The following ZNF521 variants were observed in gnomAD, a reference collection of about 807,000 sequenced individuals.
ZNF521 encodes the protein LYST-interacting protein 3.
In ZNF521, 14 loss-of-function variants were observed where a neutral mutation model predicts 105.5. That is an observed-to-expected ratio of 0.13 (90% CI 0.09 to 0.21). The LOEUF (loss-of-function observed/expected upper bound fraction) is 0.21. Ranked by LOEUF, ZNF521 falls within the 10% of genes least tolerant of loss-of-function variation. ZNF521 has a pLI of 1.00. For synonymous variants in ZNF521, 635 were observed against 606.0 expected, an observed-to-expected ratio of 1.05 and a Z score of -0.70; for missense variants, 1,233 against 1,629.7, an observed-to-expected ratio of 0.76 and a Z score of 4.19.
intron 3 of ZNF521, among the ~76,000 whole-genome samples, chr18:25,312,511 T>C (rs12455054): frequency 0.23 from 14,580 of 62,256 alleles, 1,797 homozygotes; most frequent in Admixed American, 0.27. Context: ...ACTCAGCCTA[T>C]GGTTCAGAAG....
At chr18:25,177,021 T>C (rs1319782925) in intron 5 of ZNF521, among the ~76,000 whole-genome samples, 1 of 152,234 alleles carries the variant, frequency 6.6e-6, no homozygotes, top group Non-Finnish European at 1.5e-5. Flanking sequence ...GACCTCACTA[T>C]GTAAAATTTT....
intron 5 of ZNF521, among the ~76,000 whole-genome samples, chr18:25,102,265 A>T (rs1311240638): frequency 6.6e-6 from 1 of 152,156 alleles, no homozygotes; most frequent in African/African-American, 2.4e-5. Context: ...TTAAAAGATA[A>T]TTTTTTAAAT....
chr18:25,128,921 G>A (rs1460540796), intron 5 of ZNF521, among the ~76,000 whole-genome samples: 2 of 151,868 alleles, frequency 1.3e-5, no homozygotes, highest in Admixed American at 6.6e-5. Flanking sequence ...CTAAATTCCA[G>A]CATGTTATTT....
At chr18:25,170,176 G>A (rs372953246) in intron 5 of ZNF521, among the ~76,000 whole-genome samples, 3 of 151,364 alleles carry the variant, frequency 2.0e-5, no homozygotes, top group African/African-American at 7.3e-5. Flanking sequence ...CACCAAAGGC[G>A]GCGTTCAATG....
At chr18:25,204,104 A>T (rs2036038491) in intron 4 of ZNF521, among the ~76,000 whole-genome samples, 1 of 152,196 alleles carries the variant, frequency 6.6e-6, no homozygotes, top group African/African-American at 2.4e-5. Context: ...CAAGAAGTGG[A>T]GCAGGTGGTA....
intron 7 of ZNF521, among the ~76,000 whole-genome samples, chr18:25,072,636 T>C (rs563817598): frequency 1.3e-5 from 2 of 152,236 alleles, no homozygotes; most frequent in African/African-American, 4.8e-5. Context: ...AACAATGAAT[T>C]GAGCTGTCTG....
At chr18:25,297,030 G>C (rs1353770494) in intron 3 of ZNF521, among the ~76,000 whole-genome samples, 1 of 151,648 alleles carries the variant, frequency 6.6e-6, no homozygotes, top group East Asian at 1.9e-4. Flanking sequence ...AAATTGTAAA[G>C]CCTTGTAAGT....
chr18:25,207,829 A>G (rs1249860122), intron 4 of ZNF521, among the ~76,000 whole-genome samples: 1 of 152,234 alleles, frequency 6.6e-6, no homozygotes, highest in East Asian at 1.9e-4. Context: ...AAAGTTCTGC[A>G]TAATCATTAC....
At chr18:25,186,639 C>T (rs904921963) in intron 5 of ZNF521, among the ~76,000 whole-genome samples, 3 of 152,016 alleles carry the variant, frequency 2.0e-5, no homozygotes, top group Non-Finnish European at 4.4e-5. Flanking sequence ...CAAATTTATC[C>T]CTTTAAATAA....
chr18:25,078,609 T>TA (rs1285044434), intron 7 of ZNF521, among the ~76,000 whole-genome samples: 1 of 152,202 alleles, frequency 6.6e-6, no homozygotes, highest in Non-Finnish European at 1.5e-5. Flanking sequence ...GTCTAAGGCA[T>TA]AAAAAGGCCA....
chr18:25,286,636 A>G (rs909341424), intron 3 of ZNF521, among the ~76,000 whole-genome samples: 1 of 152,264 alleles, frequency 6.6e-6, no homozygotes, highest in Non-Finnish European at 1.5e-5. Context: ...TATCTCTCAG[A>G]TATTAAAAAT....
chr18:25,183,900 A>G (rs1416198996), intron 5 of ZNF521, among the ~76,000 whole-genome samples: 1 of 152,210 alleles, frequency 6.6e-6, no homozygotes, highest in Non-Finnish European at 1.5e-5. Flanking sequence ...CAAGGGAAAA[A>G]AAGAGCTTCA....
At chr18:25,334,315 G>A (rs574403121) in intron 2 of ZNF521, among the ~76,000 whole-genome samples, 10 of 133,898 alleles carry the variant, frequency 7.5e-5, no homozygotes, top group African/African-American at 1.9e-4. Flanking sequence ...GAGATCTGGT[G>A]GCCAGTGGAT....
At chr18:25,334,603 T>C (rs1202820124) in intron 2 of ZNF521, among the ~76,000 whole-genome samples, 2 of 152,198 alleles carry the variant, frequency 1.3e-5, no homozygotes, top group African/African-American at 4.8e-5. Flanking sequence ...AACTCAACTC[T>C]CCTCCAGCTC....
At chr18:25,083,754 T>TATATTTTG (rs1555632305) in intron 7 of ZNF521, among the ~76,000 whole-genome samples, 1 of 148,298 alleles carries the variant, frequency 6.7e-6, no homozygotes, top group Non-Finnish European at 1.5e-5. Context: ...CATATATATA[T>TATATTTTG]TTTGTTTGTT....
At chr18:25,197,563 G>C (rs2035923703) in intron 4 of ZNF521, among the ~76,000 whole-genome samples, 1 of 151,742 alleles carries the variant, frequency 6.6e-6, no homozygotes, top group African/African-American at 2.4e-5. Flanking sequence ...TAAGTAAAGG[G>C]ATTATAACCT....
At chr18:25,236,220 T>C (rs1377789821) in intron 3 of ZNF521, among the ~76,000 whole-genome samples, 1 of 152,168 alleles carries the variant, frequency 6.6e-6, no homozygotes, top group Non-Finnish European at 1.5e-5. Flanking sequence ...GGAAATTATA[T>C]GCTACAGTGG....
intron 2 of ZNF521, among the ~76,000 whole-genome samples, chr18:25,327,910 AAGGGCTGAGCAT>A (rs1249816730): frequency 6.6e-6 from 1 of 152,122 alleles, no homozygotes; most frequent in East Asian, 1.9e-4. Flanking sequence ...TGGGGTGGCT[AAGGGCTGAGCAT>A]CCCCGGAACC....
intron 5 of ZNF521, among the ~76,000 whole-genome samples, chr18:25,168,404 T>C (rs1209466599): frequency 1.3e-5 from 2 of 152,162 alleles, no homozygotes; most frequent in African/African-American, 4.8e-5. Flanking sequence ...TGTATCCAAC[T>C]GAACAGTTGG....
Sources: gnomAD v4.1 joint callset for allele counts (sites outside exome capture counted in the v4.1 genomes callset) on GRCh38, gnomAD v4.1.1 for gene constraint, MANE v1.5 for transcripts, NCBI Gene and HGNC (gene_info 2026-07-23, HGNC 2026-07-21) for gene names.